Variants in WLS observed in about 807,000 individuals in gnomAD.
WLS encodes the protein protein wntless homolog.
A neutral mutation model predicts 62.8 loss-of-function variants in WLS; 23 were observed. The observed-to-expected ratio is 0.37, with a 90% CI of 0.26 to 0.52. The LOEUF is 0.52. WLS is among the 20% of genes least tolerant of loss of function. The probability of loss-of-function intolerance (pLI) is 0.92; values close to 1 mark genes in which losing one functional copy is unlikely to be tolerated. For missense variants in WLS, 615 were observed against 697.3 expected (o/e 0.88, Z 1.33); for synonymous variants, 246 against 244.1 (o/e 1.01, Z -0.07).
At chr1:68,108,777 CAG>C (rs1418798169) in intron 11 of WLS, among the ~76,000 whole-genome samples, 8 of 151,930 alleles carry the variant, frequency 5.3e-5, no homozygotes, top group Admixed American at 5.2e-4. Context: ...GAAAGTAAAA[CAG>C]AAGTCAAAGA....
At chr1:68,209,929 C>G (rs1006091728) in intron 1 of WLS, among the ~76,000 whole-genome samples, 5 of 152,240 alleles carry the variant, frequency 3.3e-5, no homozygotes, top group African/African-American at 9.6e-5. Context: ...GGTCCATAGT[C>G]TCTCCTTGTC....
At position 68,145,848 on chromosome 1, in the gene WLS, C is replaced by T. The variant is rs199851076; in HGVS notation, c.1278+21G>A. The T allele has an allele frequency of 1.1e-4, 171 of 1,613,458 alleles. 1 individual carries two copies. Among genetic ancestry groups the T allele is most frequent in the Middle Eastern group, 1.6e-4 (1 of 6,082 alleles). ...GATCAAGCAAGCACCAGTTCCAGAA[C>T]GAGCCAAGAAATCTGCCCACCTCAT... On this transcript the variant is annotated intron_variant, in intron 9 of 11. Transcript: ENST00000262348.
intron 2 of WLS, among the ~76,000 whole-genome samples, chr1:68,160,633 A>G (rs1008588715): frequency 1.1e-4 from 17 of 152,232 alleles, no homozygotes; most frequent in Non-Finnish European, 1.5e-5. Flanking sequence ...CTAAATGTCT[A>G]CGTTTACAAT....
intron 2 of WLS, among the ~76,000 whole-genome samples, chr1:68,192,003 G>A (rs941268101): frequency 9.9e-5 from 15 of 152,200 alleles, no homozygotes; most frequent in African/African-American, 3.6e-4. Context: ...GCATAACTTG[G>A]TCACAGCACC....
chr1:68,224,273 G>T (rs1416218842), intron 1 of WLS, among the ~76,000 whole-genome samples: 3 of 152,182 alleles, frequency 2.0e-5, no homozygotes, highest in African/African-American at 4.8e-5. Flanking sequence ...AGAAATGTTA[G>T]CTCAGTTTTG....
chr1:68,225,707 A>C (rs556221027), intron 1 of WLS, among the ~76,000 whole-genome samples: 39 of 152,304 alleles, frequency 2.6e-4, no homozygotes, highest in South Asian at 1.7e-3. Context: ...CCGCATGGGA[A>C]AAGAATTTTC....
intron 1 of WLS, chr1:68,231,779 A>T: frequency 2.1e-6 from 1 of 470,654 alleles, no homozygotes. Flanking sequence ...TGTTGTTCCT[A>T]ATAAAGTCGA....
chr1:68,107,698 G>C (rs539626703), intron 11 of WLS, among the ~76,000 whole-genome samples: 1 of 152,142 alleles, frequency 6.6e-6, no homozygotes, highest in East Asian at 1.9e-4. Flanking sequence ...TGCGTTTTAC[G>C]TGCTTTATTG....
At chr1:68,118,647 G>A (rs192765433) in intron 11 of WLS, among the ~76,000 whole-genome samples, 1 of 151,850 alleles carries the variant, frequency 6.6e-6, no homozygotes, top group African/African-American at 2.4e-5. Context: ...AAGCCAAGAC[G>A]GGCAAATCAC....
intron 11 of WLS, among the ~76,000 whole-genome samples, chr1:68,108,259 C>A (rs1328773960): frequency 6.6e-6 from 1 of 152,128 alleles, no homozygotes; most frequent in East Asian, 1.9e-4. Flanking sequence ...TGAATAATCC[C>A]AGCTTATTGG....
At chr1:68,137,614 T>C (rs1457409148) in intron 11 of WLS, among the ~76,000 whole-genome samples, 166 bp downstream of exon 11, 3 of 152,210 alleles carry the variant, frequency 2.0e-5, no homozygotes, top group Non-Finnish European at 4.4e-5. Flanking sequence ...GGGCTTTTTG[T>C]CTTATGGGTG....
At chr1:68,155,367 A>G in intron 3 of WLS, 107 bp from the exon 4 acceptor site, 2 of 1,369,516 alleles carry the variant, frequency 1.5e-6, no homozygotes. Context: ...GCTAATGCTT[A>G]AAGGTACACT....
In WLS at chr1:68,150,291, C is replaced by T; in HGVS notation, c.869G>A (p.Gly290Glu). ...INIPVEWFSI[G>E]FDWTWMLLFG... ...CAGCAGCATCCAGGTCCAGTCAAAC[C>T]CGATGGAAAACCATTCCACTGGGAT... Residue 290 changes from glycine (G) to glutamate (E), a missense_variant, in exon 6 of 12, where the codon GGG (glycine) becomes GAG (glutamate). Coordinates refer to ENST00000262348, the MANE Select transcript of WLS (RefSeq NM_024911.7). 1.2e-6 allele frequency: 2 copies of T among 1,614,178 alleles called. No homozygotes were observed. Among genetic ancestry groups the T allele is most frequent in the Non-Finnish European group, 1.7e-6 (2 of 1,180,044 alleles).
rs151249884 is a variant in WLS, at chr1:68,218,876, G to A, written c.106+13318C>T. Among the ~76,000 whole-genome samples the A allele has an allele frequency of 1.7e-3, 261 of 152,304 alleles. 2 individuals carry two copies. The highest frequency in any genetic ancestry group is 5.9e-3 in the African/African-American group (247 of 41,576). On this transcript the variant is annotated intron_variant, in intron 1 of 11. Transcript: ENST00000262348. ...CCTGTCAAGGGCATTTATAAAAGCT[G>A]ACATCATAAATACATTATTGGTCTC...
At chr1:68,181,586 T>C (rs1025573002) in intron 2 of WLS, among the ~76,000 whole-genome samples, 2 of 152,200 alleles carry the variant, frequency 1.3e-5, no homozygotes, top group African/African-American at 4.8e-5. Flanking sequence ...TGCAAGGATC[T>C]TAGAGTCCGC....
At chr1:68,189,232 C>T (rs919630856) in intron 2 of WLS, among the ~76,000 whole-genome samples, 3 of 151,908 alleles carry the variant, frequency 2.0e-5, no homozygotes, top group African/African-American at 7.3e-5. Context: ...CTCTCATTGC[C>T]CCAAGGTGCA....
chr1:68,182,259 A>C (rs1557502769), intron 2 of WLS, among the ~76,000 whole-genome samples: 2 of 152,228 alleles, frequency 1.3e-5, no homozygotes, highest in Non-Finnish European at 2.9e-5. Context: ...AGCCAGATAG[A>C]GCTCTATAGC....
chr1:68,160,179 T>G (rs1445211733), intron 2 of WLS, among the ~76,000 whole-genome samples: 1 of 151,542 alleles, frequency 6.6e-6, no homozygotes, highest in Non-Finnish European at 1.5e-5. Context: ...TTGGAACACT[T>G]CTTTGTAAAT....
At chr1:68,216,451 C>T (rs1379301296) in intron 1 of WLS, among the ~76,000 whole-genome samples, 2 of 152,204 alleles carry the variant, frequency 1.3e-5, no homozygotes, top group East Asian at 1.9e-4. Flanking sequence ...CAGTGCATTA[C>T]GCAGATTTCA....
Sources: gnomAD v4.1 joint callset for allele counts (sites outside exome capture counted in the v4.1 genomes callset) on GRCh38, gnomAD v4.1.1 for gene constraint, MANE v1.5 for transcripts, NCBI Gene and HGNC (gene_info 2026-07-23, HGNC 2026-07-21) for gene names.